MITF: variants seen among roughly 807,000 people sequenced by gnomAD.
MITF encodes microphthalmia-associated transcription factor.
MITF carries 17 observed loss-of-function variants against 60.5 expected under a neutral mutation model. That is an observed-to-expected ratio of 0.28 (90% CI 0.19 to 0.42). The LOEUF is 0.42. MITF is among the 10% of genes least tolerant of loss of function. MITF has a pLI of 1.00. For synonymous variants in MITF, 260 were observed against 248.5 expected, an observed-to-expected ratio of 1.05 and a Z score of -0.43; for missense variants, 622 against 683.5, an observed-to-expected ratio of 0.91 and a Z score of 1.00.
At chr3:69,799,886 A>T (rs544537601) in intron 1 of MITF, among the ~76,000 whole-genome samples, 1 of 152,296 alleles carries the variant, frequency 6.6e-6, no homozygotes, top group South Asian at 2.1e-4. Context: ...GGGGTGAGGA[A>T]CTAAATAGAC....
intron 1 of MITF, among the ~76,000 whole-genome samples, chr3:69,796,319 C>T (rs2062826678): frequency 6.6e-6 from 1 of 152,042 alleles, no homozygotes. Context: ...AGTTTGTATT[C>T]ATTTTAGAAA....
At chr3:69,938,907 A>G in intron 3 of MITF, 191 bp from the exon 4 acceptor site, 2 of 1,469,922 alleles carry the variant, frequency 1.4e-6, no homozygotes, top group Non-Finnish European at 1.8e-6. Flanking sequence ...ATTTTTCTCT[A>G]CCCAAATTTG....
intron 2 of MITF, among the ~76,000 whole-genome samples, chr3:69,924,050 G>C (rs1225553561): frequency 6.6e-6 from 1 of 152,124 alleles, no homozygotes; most frequent in Non-Finnish European, 1.5e-5. Flanking sequence ...GTTTGAAAGA[G>C]GTAGTCATGA....
At chr3:69,757,935 AC>A (rs1386673837) in intron 1 of MITF, among the ~76,000 whole-genome samples, 7 of 150,700 alleles carry the variant, frequency 4.6e-5, no homozygotes, top group Admixed American at 4.0e-4. Flanking sequence ...CCCAGATCAG[AC>A]CCTCAAAGGC....
At chr3:69,882,805 C>T (rs1233484646) in intron 2 of MITF, among the ~76,000 whole-genome samples, 2 of 152,280 alleles carry the variant, frequency 1.3e-5, no homozygotes, top group East Asian at 1.9e-4. Flanking sequence ...TTTTGTCTCT[C>T]TGACTTTGAT....
At chr3:69,950,836 A>G (rs966068974) in intron 6 of MITF, among the ~76,000 whole-genome samples, 2 of 151,968 alleles carry the variant, frequency 1.3e-5, no homozygotes, top group African/African-American at 4.8e-5. Context: ...GTTCTCTGTA[A>G]GGCAAAAAGT....
chr3:69,920,342 C>T lies in MITF; in HGVS notation c.355-17480C>T, dbSNP rs564176301. Among the ~76,000 whole-genome samples the T allele has an allele frequency of 9.2e-5, 14 of 152,220 alleles. No homozygotes were observed. The East Asian group carries it at 2.7e-3, about 30-fold the overall frequency. Reference sequence around the variant, plus strand: ...TTTCCCCGGGGGAGTTTAGAGAAGACTCTGCTCCTCCACCTCTTGTGGAGG... The same window carrying T: ...TTTCCCCGGGGGAGTTTAGAGAAGATTCTGCTCCTCCACCTCTTGTGGAGG... On this transcript the variant is annotated intron_variant, in intron 2 of 9. Coordinates refer to ENST00000352241, the MANE Select transcript of MITF (RefSeq NM_001354604.2).
chr3:69,954,841 A>G (rs567981191), intron 7 of MITF, among the ~76,000 whole-genome samples: 3 of 152,336 alleles, frequency 2.0e-5, no homozygotes, highest in African/African-American at 7.2e-5. Flanking sequence ...ACAAACTGCA[A>G]TTTATATTGG....
Position 69,938,040 on chromosome 3 carries a change from T to C in MITF, c.573T>C (p.Cys191=). 1 of 1,614,022 alleles carries C rather than the reference T, an allele frequency of 6.2e-7. No homozygotes were observed. Among genetic ancestry groups the C allele is most frequent in the Non-Finnish European group, 8.5e-7 (1 of 1,179,908 alleles). ...PMAMLTLNSN[C]EKEGFYKFEE... The stretch of plus-strand genomic sequence containing the variant: ...CTATGCTTACGCTTAACTCCAACTG[T>C]GAAAAAGAGGTAATTCATGTCTCCT... Residue 191 remains cysteine, a synonymous_variant, in exon 3 of 10, where the codon TGT becomes TGC. Transcript: ENST00000352241.
Position 69,739,592 on chromosome 3 carries a change from G to A in MITF, c.-6G>A. ...TCCAGCAGTGGAAGGACGGGAAGCG[G>A]GAGCCATGCAGTCCGAATCGGGGAT... On this transcript the variant is annotated 5_prime_UTR_variant, in exon 1 of 10. Transcript: ENST00000352241. 6.4e-7 allele frequency: 1 copy of A among 1,566,656 alleles called. No homozygotes were observed. Among genetic ancestry groups the A allele is most frequent in the Non-Finnish European group, 8.7e-7 (1 of 1,153,740 alleles).
At chr3:69,874,509 C>A (rs1170486228) in intron 1 of MITF, among the ~76,000 whole-genome samples, 1 of 152,164 alleles carries the variant, frequency 6.6e-6, no homozygotes, top group East Asian at 1.9e-4. Flanking sequence ...AATTTTAATC[C>A]TCACCACAGT....
intron 2 of MITF, among the ~76,000 whole-genome samples, chr3:69,909,094 A>T (rs2065165139): frequency 6.6e-6 from 1 of 152,106 alleles, no homozygotes; most frequent in African/African-American, 2.4e-5. Flanking sequence ...GTCTCCCAGA[A>T]TTCCCACATG....
At chr3:69,846,518 A>T (rs1005568629) in intron 1 of MITF, among the ~76,000 whole-genome samples, 1 of 152,112 alleles carries the variant, frequency 6.6e-6, no homozygotes, top group Non-Finnish European at 1.5e-5. Flanking sequence ...GTTTTAAAAG[A>T]ATATAAAGCA....
At chr3:69,876,539 G>A (rs2064358880) in intron 1 of MITF, among the ~76,000 whole-genome samples, 1 of 151,984 alleles carries the variant, frequency 6.6e-6, no homozygotes, top group Admixed American at 6.6e-5. Flanking sequence ...TGCTCTTTTA[G>A]TAGAGCTGTA....
intron 1 of MITF, among the ~76,000 whole-genome samples, chr3:69,876,744 A>G (rs375461985): frequency 3.3e-5 from 5 of 152,292 alleles, no homozygotes; most frequent in African/African-American, 4.8e-5. Flanking sequence ...AAGTTTGCCA[A>G]TGTACTGGAT....
chr3:69,925,641 A>C (rs2065568667), intron 2 of MITF, among the ~76,000 whole-genome samples: 1 of 152,216 alleles, frequency 6.6e-6, no homozygotes. Flanking sequence ...AATGGCCTGC[A>C]AAGCCCTACA....
At chr3:69,824,353 G>A (rs2063322534) in intron 1 of MITF, among the ~76,000 whole-genome samples, 1 of 152,132 alleles carries the variant, frequency 6.6e-6, no homozygotes. Flanking sequence ...TCAATAGCAT[G>A]CATATGGGGT....
intron 8 of MITF, 57 bp downstream of exon 8, chr3:69,956,587 T>C (rs2066404758): frequency 1.4e-6 from 2 of 1,401,634 alleles, no homozygotes; most frequent in Non-Finnish European, 2.0e-6. Flanking sequence ...GAATGTTTTT[T>C]CATACGTTGT....
chr3:69,831,476 A>G (rs1217241143), intron 1 of MITF, among the ~76,000 whole-genome samples: 3 of 152,112 alleles, frequency 2.0e-5, no homozygotes. Flanking sequence ...TAGTAATACC[A>G]TATCTTTTGC....
Sources: gnomAD v4.1 joint callset for allele counts (sites outside exome capture counted in the v4.1 genomes callset) on GRCh38, gnomAD v4.1.1 for gene constraint, MANE v1.5 for transcripts, NCBI Gene and HGNC (gene_info 2026-07-23, HGNC 2026-07-21) for gene names.